CCDC102B: variants seen among roughly 807,000 people sequenced by gnomAD.
The protein encoded by CCDC102B is coiled-coil domain containing 102B, also known as coiled-coil domain-containing protein 102B.
CCDC102B carries 75 observed loss-of-function variants against 57.4 expected under a neutral mutation model. That is an observed-to-expected ratio of 1.31 (90% confidence interval 1.08 to 1.58). The LOEUF (loss-of-function observed/expected upper bound fraction) is 1.58. Ranked by LOEUF, CCDC102B falls within the 40% of genes most tolerant of loss-of-function variation. The probability of loss-of-function intolerance (pLI) is 0.00; values close to 1 mark genes in which losing one functional copy is unlikely to be tolerated. For synonymous variants in CCDC102B, 206 were observed against 201.9 expected (o/e 1.02, Z -0.17); for missense variants, 636 against 582.6 (o/e 1.09, Z -0.94).
At chr18:68,803,595 A>G (rs552469417) in intron 1 of CCDC102B, among the ~76,000 whole-genome samples, 1 of 152,338 alleles carries the variant, frequency 6.6e-6, no homozygotes, top group Admixed American at 6.5e-5. Context: ...GAATGGCCAG[A>G]TGGCCGGCAG....
At chr18:68,813,852 G>A (rs2036371676) in intron 1 of CCDC102B, among the ~76,000 whole-genome samples, 1 of 151,352 alleles carries the variant, frequency 6.6e-6, no homozygotes, top group Admixed American at 6.6e-5. Flanking sequence ...ATCTATTTCA[G>A]TTATCTGAGA....
intron 5 of CCDC102B, among the ~76,000 whole-genome samples, chr18:68,880,878 A>T (rs983255631): frequency 6.6e-6 from 1 of 152,134 alleles, no homozygotes; most frequent in African/African-American, 2.4e-5. Flanking sequence ...TTTTATTTTG[A>T]CTATTGATCT....
intron 6 of CCDC102B, among the ~76,000 whole-genome samples, chr18:68,974,381 C>A (rs1317122662): frequency 1.3e-5 from 2 of 152,060 alleles, no homozygotes; most frequent in Admixed American, 6.6e-5. Flanking sequence ...GCCTCCAGAA[C>A]TGTGAGATAT....
At chr18:68,984,748 A>G (rs2050682335) in intron 6 of CCDC102B, among the ~76,000 whole-genome samples, 1 of 152,142 alleles carries the variant, frequency 6.6e-6, no homozygotes. Flanking sequence ...TGAGAGATAA[A>G]ACTTAAATAT....
chr18:68,738,678 A>G (rs1043132252), intron 2 of CCDC102B, among the ~76,000 whole-genome samples: 17 of 152,158 alleles, frequency 1.1e-4, no homozygotes, highest in African/African-American at 4.1e-4. Flanking sequence ...TTTGACTAAC[A>G]TTTATTTTTT....
chr18:69,009,580 C>T (rs1384158825), intron 6 of CCDC102B, among the ~76,000 whole-genome samples: 2 of 152,042 alleles, frequency 1.3e-5, no homozygotes, highest in East Asian at 3.9e-4. Context: ...GATTTGGGAT[C>T]ATACTTAGGA....
At chr18:69,025,153 G>A (rs1239989836) in intron 7 of CCDC102B, among the ~76,000 whole-genome samples, 8 of 151,980 alleles carry the variant, frequency 5.3e-5, no homozygotes, top group African/African-American at 7.3e-5. Flanking sequence ...AATTCTAATC[G>A]TGTGAACAGA....
intron 6 of CCDC102B, among the ~76,000 whole-genome samples, chr18:68,999,103 G>C (rs1220226433): frequency 2.0e-5 from 3 of 151,002 alleles, no homozygotes; most frequent in African/African-American, 7.3e-5. Context: ...CTATCCAGAA[G>C]CCATTAGTGC....
chr18:68,882,984 G>A (rs932558386), intron 5 of CCDC102B, among the ~76,000 whole-genome samples: 1 of 152,178 alleles, frequency 6.6e-6, no homozygotes, highest in African/African-American at 2.4e-5. Context: ...TGGGTAGACG[G>A]TGGAAAGAGG....
chr18:68,851,182 C>G (rs1413926742), intron 4 of CCDC102B, among the ~76,000 whole-genome samples: 1 of 152,162 alleles, frequency 6.6e-6, no homozygotes, highest in Non-Finnish European at 1.5e-5. Context: ...GCTTACCTTT[C>G]TAAACAGAGG....
chr18:68,919,352 C>T (rs2041192664), intron 6 of CCDC102B, among the ~76,000 whole-genome samples: 1 of 152,016 alleles, frequency 6.6e-6, no homozygotes, highest in African/African-American at 2.4e-5. Flanking sequence ...AGTAGGAATC[C>T]AGGCTTTAAC....
intron 6 of CCDC102B, among the ~76,000 whole-genome samples, chr18:68,922,985 T>C (rs2041338615): frequency 6.6e-6 from 1 of 152,092 alleles, no homozygotes; most frequent in Non-Finnish European, 1.5e-5. Context: ...TTCTGATCTC[T>C]GTTGCCTTTT....
Position 68,838,816 on chromosome 18 carries a change from T to G in CCDC102B, c.717T>G (p.Thr239=). 1 of 1,614,006 alleles carries G rather than the reference T, an allele frequency of 6.2e-7. No individual in the cohort carries two copies. Among genetic ancestry groups the G allele is most frequent in the Non-Finnish European group, 8.5e-7 (1 of 1,179,946 alleles). ...NGGSGNGETK[T]GLRLKAINLP... Reference sequence around the variant, plus strand: ...GTTCTGGAAACGGTGAAACGAAAACTGGGCTGAGACTGAAAGCAATAAATC... The same window carrying G: ...GTTCTGGAAACGGTGAAACGAAAACGGGGCTGAGACTGAAAGCAATAAATC... Residue 239 remains threonine, a synonymous_variant, in exon 3 of 8, where the codon ACT becomes ACG. Transcript: ENST00000360242.
At chr18:68,980,512 G>C (rs1045023537) in intron 6 of CCDC102B, among the ~76,000 whole-genome samples, 3 of 151,804 alleles carry the variant, frequency 2.0e-5, no homozygotes, top group African/African-American at 7.3e-5. Flanking sequence ...TACTCCCTAA[G>C]AAAGATTAAT....
At chr18:69,029,099 A>G (rs1032065743) in intron 7 of CCDC102B, among the ~76,000 whole-genome samples, 2 of 152,208 alleles carry the variant, frequency 1.3e-5, no homozygotes, top group African/African-American at 4.8e-5. Flanking sequence ...GTGATGGTCT[A>G]AGTATGGAGA....
chr18:68,949,365 T>C (rs1249738561), intron 6 of CCDC102B, among the ~76,000 whole-genome samples: 1 of 152,078 alleles, frequency 6.6e-6, no homozygotes, highest in African/African-American at 2.4e-5. Context: ...GGGGAAAGCA[T>C]CTGACATTTG....
At chr18:68,898,612 T>C (rs1370475151) in intron 6 of CCDC102B, among the ~76,000 whole-genome samples, 1 of 152,140 alleles carries the variant, frequency 6.6e-6, no homozygotes, top group African/African-American at 2.4e-5. Context: ...AGAAATACTT[T>C]TTATTTGATT....
At chr18:68,760,140 C>T (rs2034205406) in intron 2 of CCDC102B, among the ~76,000 whole-genome samples, 1 of 152,102 alleles carries the variant, frequency 6.6e-6, no homozygotes, top group African/African-American at 2.4e-5. Flanking sequence ...CAATTTGCTT[C>T]TTCTCATAGC....
intron 1 of CCDC102B, among the ~76,000 whole-genome samples, chr18:68,815,677 T>TACACACACACACACACACACACACAC (rs10592850): frequency 2.0e-5 from 3 of 149,178 alleles, no homozygotes; most frequent in African/African-American, 7.5e-5. Context: ...TCCATTTACA[T>TACACACACACACACACACACACACAC]ACACACACAC....
Sources: allele counts gnomAD v4.1 joint callset (sites outside exome capture counted in the v4.1 genomes callset), GRCh38; gene constraint gnomAD v4.1.1; transcripts MANE v1.5; gene names NCBI Gene and HGNC (gene_info 2026-07-23, HGNC 2026-07-21).